The following NUMBL variants were observed in gnomAD, a reference collection of about 807,000 sequenced individuals.
The protein encoded by NUMBL is NUMB like endocytic adaptor protein, also known as numb-like protein.
NUMBL carries 20 observed loss-of-function variants against 48.9 expected under a neutral mutation model. That is an observed-to-expected ratio of 0.41 (90% CI 0.29 to 0.59). The LOEUF is 0.59. Among genes scored for constraint, NUMBL ranks in the 20% least tolerant of loss-of-function variants. NUMBL has a pLI of 0.31. For synonymous variants in NUMBL, 340 were observed against 348.7 expected, an observed-to-expected ratio of 0.98 and a Z score of 0.28; for missense variants, 660 against 846.2, an observed-to-expected ratio of 0.78 and a Z score of 2.73.
In NUMBL at chr19:40,689,335, A is replaced by G. The variant is rs1263183826; in HGVS notation, c.24+1125T>C. On this transcript the variant is annotated intron_variant, in intron 1 of 9. Transcript: ENST00000252891. Reference sequence around the variant, plus strand: ...CAGACTAAAAAGTACAGGATTCTGCACAGTGAGCAGCTGTCACACACACAT... The same window carrying G: ...CAGACTAAAAAGTACAGGATTCTGCGCAGTGAGCAGCTGTCACACACACAT... Among the ~76,000 whole-genome samples the G allele has an allele frequency of 2.6e-5, 4 of 152,292 alleles. No individual in the cohort carries two copies. The East Asian group carries it at 7.7e-4, about 29-fold the overall frequency.
At chr19:40,675,451 T>C (rs956375555) in intron 7 of NUMBL, among the ~76,000 whole-genome samples, 1 of 151,948 alleles carries the variant, frequency 6.6e-6, no homozygotes, top group Non-Finnish European at 1.5e-5. Context: ...GGTAAATTCT[T>C]TGTAAATTCT....
intron 7 of NUMBL, among the ~76,000 whole-genome samples, chr19:40,674,064 T>C (rs1432659840): frequency 1.3e-5 from 2 of 152,142 alleles, no homozygotes; most frequent in African/African-American, 2.4e-5. Flanking sequence ...ATGGGGTTGA[T>C]ATGATTCTCA....
intron 6 of NUMBL, among the ~76,000 whole-genome samples, chr19:40,680,512 A>C (rs538390556): frequency 4.0e-5 from 6 of 151,730 alleles, no homozygotes; most frequent in Admixed American, 3.9e-4. Flanking sequence ...GCAGTGGTGC[A>C]ATTTTGGCTC....
intron 8 of NUMBL, among the ~76,000 whole-genome samples, chr19:40,671,265 C>T (rs1438144101): frequency 1.3e-5 from 2 of 152,120 alleles, no homozygotes; most frequent in East Asian, 3.9e-4. Context: ...AGGTGTGAGC[C>T]ACCACGTCTG....
chr19:40,681,584 C>T (rs1371085973), intron 5 of NUMBL, among the ~76,000 whole-genome samples: 3 of 152,172 alleles, frequency 2.0e-5, no homozygotes, highest in Non-Finnish European at 4.4e-5. Context: ...ATAGTGCTTC[C>T]TTCTGACTGG....
At chr19:40,678,084 T>A (rs1472224816) in intron 6 of NUMBL, among the ~76,000 whole-genome samples, 1 of 152,168 alleles carries the variant, frequency 6.6e-6, no homozygotes, top group African/African-American at 2.4e-5. Flanking sequence ...GTGCTGGTAT[T>A]TGGAGGTGGG....
At chr19:40,689,003 C>T (rs973229714) in intron 1 of NUMBL, among the ~76,000 whole-genome samples, 6 of 152,332 alleles carry the variant, frequency 3.9e-5, no homozygotes, top group Non-Finnish European at 8.8e-5. Flanking sequence ...GACACAATGG[C>T]AGTCACACAG....
chr19:40,686,947 C>A lies in NUMBL; in HGVS notation c.73G>T (p.Ala25Ser). The A allele has an allele frequency of 1.3e-6, 2 of 1,544,672 alleles. No homozygotes were observed. The highest frequency in any genetic ancestry group is 8.7e-7 in the Non-Finnish European group (1 of 1,143,966). ...CTGCAGGTTTCTGGGGGCCCCGGGG[C>A]CCCACAGGGGGCTGGGGGCAGGTGC... is the stretch of plus-strand genomic sequence containing the variant. ...ERHLPPAPCG[A>S]PGPPETCRTE... The change falls in exon 2 of 10, where the codon GCC becomes TCC. Residue 25 changes from alanine to serine, a missense_variant. By Grantham distance (99) the Ala-to-Ser change is moderately conservative. This residue lies in a region of NUMBL where 86 missense variants were observed against 85.9 expected (regional missense o/e 1.00). Coordinates refer to ENST00000252891, the MANE Select transcript of NUMBL (RefSeq NM_004756.5).
rs1161919825 is a variant in NUMBL, at chr19:40,667,521, G to A, written c.1777C>T (p.Pro593Ser). The A allele has an allele frequency of 1.9e-6, 3 of 1,586,988 alleles. No homozygotes were observed. Among genetic ancestry groups the A allele is most frequent in the Non-Finnish European group, 2.6e-6 (3 of 1,166,398 alleles). ...ALEGKATVEK[P>S]SNPFSGDLQK... ...AGGTCGCCAGAAAAGGGGTTGGAGGGTTTCTCTACAGTGGCTTTGCCTTCT... is the reference window on the plus strand; with the variant it reads ...AGGTCGCCAGAAAAGGGGTTGGAGGATTTCTCTACAGTGGCTTTGCCTTCT... Residue 593 changes from proline to serine, a missense_variant, in exon 10 of 10, where the codon CCC becomes TCC. Around this residue, in one of 3 missense-constraint regions of NUMBL, gnomAD observed 296 missense variants for 339.7 expected, o/e 0.87. Transcript: ENST00000252891. The surrounding 1 kb of genome is among the most constrained non-coding windows in gnomAD (Gnocchi z 6.1).
rs1178575865 is a variant in NUMBL, at chr19:40,688,703, CAAACAT to C, written c.25-1714_25-1709del. On this transcript the variant is annotated intron_variant, in intron 1 of 9. Coordinates refer to ENST00000252891, the MANE Select transcript of NUMBL (RefSeq NM_004756.5). The surrounding 1 kb of genome is among the most constrained non-coding windows in gnomAD (Gnocchi z 4.6). ...AGCCATAATCATATACACACCCCTA[CAAACAT>C]AATTTCCTGGCACCAGCACGGAGAC... Among the ~76,000 whole-genome samples the C allele has an allele frequency of 1.3e-5, 2 of 152,184 alleles. No individual in the cohort carries two copies. Among genetic ancestry groups the C allele is most frequent in the African/African-American group, 4.8e-5 (2 of 41,436 alleles).
In NUMBL at chr19:40,666,185, T is replaced by C. The variant is rs2081806271; in HGVS notation, c.*1283A>G. 1 of 148,812 alleles carries C rather than the reference T, an allele frequency of 6.7e-6. No homozygotes were observed. Among genetic ancestry groups the C allele is most frequent in the Non-Finnish European group, 1.5e-5 (1 of 67,576 alleles). 9.2% of individuals were successfully genotyped at this position (148,812 alleles called of 1,614,324 possible). ...TTTTTTGAGACAGAGTCTCATTCTG[T>C]TGCCCAGGCAGGAGTGCAATGGTGT... On this transcript the variant is annotated 3_prime_UTR_variant, in exon 10 of 10. Coordinates refer to ENST00000252891, the MANE Select transcript of NUMBL (RefSeq NM_004756.5).
At position 40,667,477 on chromosome 19, in the gene NUMBL, A is replaced by G. The variant is rs1232370382; in HGVS notation, c.1821T>C (p.Ile607=). Residue 607 remains isoleucine (I), a synonymous_variant, in exon 10 of 10, where the codon ATT becomes ATC. Coordinates refer to ENST00000252891, the MANE Select transcript of NUMBL (RefSeq NM_004756.5). This position sits in a 1 kb window ranked among gnomAD's most constrained non-coding sequence, Gnocchi z 6.1. The part of the protein sequence containing the change: ...FSGDLQKTFE[I]EL ...GGTGGGGCGGCTCGGGCTACAGTTC[A>G]ATCTCGAATGTCTTTTGCAGGTCGC... The G allele has an allele frequency of 6.2e-7, 1 of 1,603,340 alleles. No individual in the cohort carries two copies. Among genetic ancestry groups the G allele is most frequent in the Non-Finnish European group, 8.5e-7 (1 of 1,175,380 alleles).
chr19:40,680,095 G>C (rs1421996930), intron 6 of NUMBL, among the ~76,000 whole-genome samples: 1 of 151,532 alleles, frequency 6.6e-6, no homozygotes, highest in African/African-American at 2.4e-5. Flanking sequence ...AGATGGTCCT[G>C]CTCTTTTCTG....
rs976109564 is a variant in NUMBL at position 40,687,030 on chromosome 19, G to T, written c.25-35C>A. 6.7e-6 allele frequency: 9 copies of T among 1,343,584 alleles called. No homozygotes were observed. The highest frequency in any genetic ancestry group is 9.0e-6 in the Non-Finnish European group (9 of 1,001,530). 83.2% of individuals were successfully genotyped at this position (1,343,584 alleles called of 1,614,324 possible). A position where few individuals can be genotyped will look rare whatever the true frequency, so the allele number is the denominator to read the frequency against. On this transcript the variant is annotated intron_variant, in intron 1 of 9. Coordinates refer to ENST00000252891, the MANE Select transcript of NUMBL (RefSeq NM_004756.5). This position sits in a 1 kb window ranked among gnomAD's most constrained non-coding sequence, Gnocchi z 4.6. ...TAGGGGAGGAGAAGGTGAGAAGTTT[G>T]TCTGGGTTGGGGCTCAGTCTGATAC...
At position 40,682,977 on chromosome 19, in the gene NUMBL, G is replaced by A; in HGVS notation, c.250-9C>T. On this transcript the variant is annotated splice_polypyrimidine_tract_variant and intron_variant, in intron 3 of 9. Transcript: ENST00000252891. This position sits in a 1 kb window ranked among gnomAD's most constrained non-coding sequence, Gnocchi z 4.0. Reference sequence around the variant, plus strand: ...TCCACGTGACCCAGGTACTTGGGTTGGAGGGAATGGGGGGGGGGACATGAA... The same window carrying A: ...TCCACGTGACCCAGGTACTTGGGTTAGAGGGAATGGGGGGGGGGACATGAA... 6.2e-7 allele frequency: 1 copy of A among 1,604,698 alleles called. No individual in the cohort carries two copies.
rs761597788 is a variant in NUMBL at position 40,673,341 on chromosome 19, C to T, written c.1036+3G>A. 8 of 1,608,156 alleles carry T rather than the reference C, an allele frequency of 5.0e-6. No individual in the cohort carries two copies. In the Admixed American group the frequency reaches 1.3e-4, roughly 27 times the overall value. ...GCCGTTTCCCACTGGGCCCAGGGCT[C>T]ACCTGTGCCCTTCACCTGGAAGTCA... On this transcript the variant is annotated splice_donor_region_variant and intron_variant, in intron 8 of 9. Transcript: ENST00000252891. This position sits in a 1 kb window ranked among gnomAD's most constrained non-coding sequence, Gnocchi z 5.9.
intron 8 of NUMBL, among the ~76,000 whole-genome samples, chr19:40,672,689 T>G (rs1172979496): frequency 6.6e-6 from 1 of 152,228 alleles, no homozygotes; most frequent in Non-Finnish European, 1.5e-5. Flanking sequence ...TGCTAACCGA[T>G]CATGATGTGT....
chr19:40,687,047 G>A lies in NUMBL; in HGVS notation c.25-52C>T, dbSNP rs1368794554. 3.5e-6 allele frequency: 4 copies of A among 1,137,218 alleles called. No individual in the cohort carries two copies. The East Asian group carries it at 8.5e-5, about 24-fold the overall frequency. 70.4% of individuals were successfully genotyped at this position (1,137,218 alleles called of 1,614,324 possible). A position where few individuals can be genotyped will look rare whatever the true frequency, so the allele number is the denominator to read the frequency against. On this transcript the variant is annotated intron_variant, in intron 1 of 9. Coordinates refer to ENST00000252891, the MANE Select transcript of NUMBL (RefSeq NM_004756.5). The surrounding 1 kb of genome is among the most constrained non-coding windows in gnomAD (Gnocchi z 4.6). ...AGAAGTTTGTCTGGGTTGGGGCTCA[G>A]TCTGATACTTCACCCCGACTTTGGA...
At position 40,682,420 on chromosome 19, in the gene NUMBL, C is replaced by T. The variant is rs543810996; in HGVS notation, c.399+308G>A. On this transcript the variant is annotated intron_variant, in intron 5 of 9. Coordinates refer to ENST00000252891, the MANE Select transcript of NUMBL (RefSeq NM_004756.5). The surrounding 1 kb of genome is among the most constrained non-coding windows in gnomAD (Gnocchi z 4.0). ...GATTACAGGCGTGAGCCACCACTCCCGGCCTATAATCTGCATTTTTCAGAT... is the reference window on the plus strand; with the variant it reads ...GATTACAGGCGTGAGCCACCACTCCTGGCCTATAATCTGCATTTTTCAGAT... Among the ~76,000 whole-genome samples the T allele has an allele frequency of 2.6e-5, 4 of 152,326 alleles. No homozygotes were observed. The highest frequency in any genetic ancestry group is 2.0e-4 in the Admixed American group (3 of 15,290).
Sources: gnomAD v4.1 joint callset for allele counts (sites outside exome capture counted in the v4.1 genomes callset) on GRCh38, gnomAD v4.1.1 for gene constraint, gnomAD v4.1.1 regional missense constraint, Gnocchi (gnomAD v3.1) non-coding constraint, MANE v1.5 for transcripts, NCBI Gene and HGNC (gene_info 2026-07-23, HGNC 2026-07-21) for gene names.